The following TUBB8 variants were observed in gnomAD, a reference collection of about 807,000 sequenced individuals.
The protein encoded by TUBB8 is tubulin beta-8 chain.
In TUBB8, 25 loss-of-function variants were observed where a neutral mutation model predicts 33.7. The observed-to-expected ratio is 0.74, with a 90% CI of 0.54 to 1.04. The LOEUF is 1.04. Ranked by LOEUF, TUBB8 falls within the 50% of genes least tolerant of loss-of-function variation. The probability of loss-of-function intolerance (pLI) is 0.00; values close to 1 mark genes in which losing one functional copy is unlikely to be tolerated. For missense variants in TUBB8, 279 were observed against 608.0 expected (o/e 0.46, Z 5.69); for synonymous variants, 245 against 240.1 (o/e 1.02, Z -0.19).
In TUBB8 at chr10:47,165, G is replaced by C; in HGVS notation, c.1227C>G (p.Thr409=). The change falls in exon 4 of 4, where the codon ACC becomes ACG. Residue 409 remains threonine, a synonymous_variant. Coordinates refer to ENST00000568584, the MANE Select transcript of TUBB8 (RefSeq NM_177987.3). ...TGEGMDEMEF[T]EAESNMNDLV... ...GGTCGTTCATGTTGCTCTCGGCCTC[G>C]GTGAATTCCATCTCATCCATGCCCT... 1 of 1,601,794 alleles carries C rather than the reference G, an allele frequency of 6.2e-7. No individual in the cohort carries two copies. Among genetic ancestry groups the C allele is most frequent in the Non-Finnish European group, 8.5e-7 (1 of 1,171,540 alleles).
At chr10:75,221 T>C (rs1443979791), upstream of TUBB8, among the ~76,000 whole-genome samples, 1 of 151,414 alleles carries the variant, frequency 6.6e-6, no homozygotes, top group Non-Finnish European at 1.5e-5. Context: ...TGGTGGCTGG[T>C]GCCTATACTC....
upstream of TUBB8, among the ~76,000 whole-genome samples, chr10:75,075 A>C (rs2130956345): frequency 6.7e-6 from 1 of 150,024 alleles, no homozygotes; most frequent in Non-Finnish European, 1.5e-5. Context: ...GGGTTTTGCC[A>C]TGTTGACCAG....
intron 1 of TUBB8, among the ~76,000 whole-genome samples, chr10:57,813 C>CTT (rs113012935): frequency 3.4e-5 from 5 of 145,848 alleles, no homozygotes; most frequent in Non-Finnish European, 6.1e-5. Flanking sequence ...TCAACACTTG[C>CTT]TTTTTTTTTA....
chr10:67,959 C>A (rs755318367), intron 1 of TUBB8, among the ~76,000 whole-genome samples: 20 of 152,164 alleles, frequency 1.3e-4, no homozygotes, highest in Non-Finnish European at 2.6e-4. Context: ...TATGTAGGGA[C>A]GGTGTCTGGC....
rs560539342 is a variant in TUBB8 at position 56,503 on chromosome 10, G to A, written c.-845-6270C>T. 6.7e-4 allele frequency among the ~76,000 whole-genome samples: 102 copies of A among 152,356 alleles called. 1 individual carries two copies. The highest frequency in any genetic ancestry group is 2.3e-3 in the African/African-American group (95 of 41,580). On this transcript the variant is annotated intron_variant, in intron 1 of 3. Coordinates refer to the TUBB8 transcript ENST00000564130. ...AGCACAGCACTGGCTTCTGCTTCTG[G>A]TGAAGCCTCTGACAACTGACAATCA... is the stretch of plus-strand genomic sequence containing the variant.
At chr10:57,194 C>CA (rs1834542883) in intron 1 of TUBB8, among the ~76,000 whole-genome samples, 2 of 152,248 alleles carry the variant, frequency 1.3e-5, no homozygotes, top group Non-Finnish European at 2.9e-5. Context: ...GTTCAGCCCC[C>CA]ACAGCTGCTC....
chr10:47,348 G>C lies in TUBB8; in HGVS notation c.1044C>G (p.Asn348Lys). 1 of 1,613,214 alleles carries C rather than the reference G, an allele frequency of 6.2e-7. No homozygotes were observed. The highest frequency in any genetic ancestry group is 8.5e-7 in the Non-Finnish European group (1 of 1,179,976). The change falls in exon 4 of 4, where the codon AAC becomes AAG. Residue 348 changes from asparagine (N) to lysine (K), a missense_variant. By Grantham distance (94) the Asn-to-Lys change is moderately conservative (BLOSUM62 0). This residue lies in a region of TUBB8 where 123 missense variants were observed against 228.9 expected (regional missense o/e 0.54). Coordinates refer to ENST00000568584, the MANE Select transcript of TUBB8 (RefSeq NM_177987.3). ...SSYFADWLPN[N>K]VKTAVCDIPP... ...GGATGTCACAGACGGCTGTTTTTAC[G>C]TTGTTGGGGAGCCAGTCAGCAAAGT...
intron 1 of TUBB8, among the ~76,000 whole-genome samples, chr10:67,516 C>A (rs1834686260): frequency 6.6e-6 from 1 of 152,130 alleles, no homozygotes; most frequent in Admixed American, 6.5e-5. Context: ...CCCCTGCCTC[C>A]TGGGTTCAAG....
chr10:46,766 AGCCACTGGAAT>A, downstream of TUBB8: 1 of 412,190 alleles, frequency 2.4e-6, no homozygotes. Context: ...CCCCTCCTGG[AGCCACTGGAAT>A]GCTTGTTCCT....
Position 47,444 on chromosome 10 carries a change from A to G in TUBB8, c.948T>C (p.Ile316=), listed in dbSNP as rs782085972. The G allele has an allele frequency of 5.3e-5, 86 of 1,611,624 alleles. No homozygotes were observed. The highest frequency in any genetic ancestry group is 6.7e-5 in the Admixed American group (4 of 60,000). The change falls in exon 4 of 4, where the codon ATT becomes ATC. Residue 316 remains isoleucine, a synonymous_variant. Transcript: ENST00000568584. Reference sequence around the variant, plus strand: ...CCCTCATGGGCATGCGACCCCTGAAAATGGCAGCCGCCGTTAGGTAGCGGC... The same window carrying G: ...CCCTCATGGGCATGCGACCCCTGAAGATGGCAGCCGCCGTTAGGTAGCGGC... ...RHGRYLTAAA[I]FRGRMPMREV...
At chr10:73,461 T>C (rs1288454824) in intron 1 of TUBB8, among the ~76,000 whole-genome samples, 1 of 152,168 alleles carries the variant, frequency 6.6e-6, no homozygotes, top group Non-Finnish European at 1.5e-5. Context: ...CTGACCAACA[T>C]GGAGAAACCC....
intron 1 of TUBB8, among the ~76,000 whole-genome samples, chr10:63,041 G>A (rs1271747181): frequency 2.6e-5 from 4 of 151,640 alleles, no homozygotes; most frequent in African/African-American, 9.6e-5. Flanking sequence ...TTGGGGAATT[G>A]TTTAATATTA....
chr10:52,675 T>C (rs1411493471), upstream of TUBB8, among the ~76,000 whole-genome samples: 2 of 152,270 alleles, frequency 1.3e-5, no homozygotes, highest in Non-Finnish European at 2.9e-5. Flanking sequence ...CAAAAAATGC[T>C]GCACTCCTAG....
rs10904045 is a variant in TUBB8 at position 48,486 on chromosome 10, C to T, written c.277+129G>A. 0.38 allele frequency: 340,215 copies of T among 894,124 alleles called. 66,972 individuals are homozygous for T. Among genetic ancestry groups the T allele is most frequent in the African/African-American group, 0.52 (31,426 of 60,848 alleles). 55.4% of individuals were successfully genotyped at this position (894,124 alleles called of 1,614,324 possible). ...TTTAGGAGAGGCAGATTGAGCGACT[C>T]GACTCGGAGGATAGGAGGGTGTTCA... On this transcript the variant is annotated intron_variant, in intron 3 of 3. Coordinates refer to ENST00000568584, the MANE Select transcript of TUBB8 (RefSeq NM_177987.3).
chr10:58,805 C>T (rs1420371689), intron 1 of TUBB8, among the ~76,000 whole-genome samples: 4 of 152,132 alleles, frequency 2.6e-5, no homozygotes, highest in South Asian at 2.1e-4. Context: ...TGGGAGGGGA[C>T]GCACATTCAA....
chr10:58,726 T>G (rs1185761814), intron 1 of TUBB8, among the ~76,000 whole-genome samples: 1 of 152,198 alleles, frequency 6.6e-6, no homozygotes, highest in Non-Finnish European at 1.5e-5. Flanking sequence ...CATTTATGAG[T>G]AATCCACCCC....
rs1834351473 is a variant in TUBB8, at chr10:47,261, G to A, written c.1131C>T (p.Leu377=). 2 of 1,613,752 alleles carry A rather than the reference G, an allele frequency of 1.2e-6. No homozygotes were observed. Among genetic ancestry groups the A allele is most frequent in the East Asian group, 2.2e-5 (1 of 44,880 alleles). Residue 377 remains leucine (L), a synonymous_variant, in exon 4 of 4, where the codon CTC becomes CTT. Transcript: ENST00000568584. Reference sequence around the variant, plus strand: ...TAAACTGCTCTGAGACACGCTTGAAGAGTTCCTGGATGGCCGTATTATTCC... The same window carrying A: ...TAAACTGCTCTGAGACACGCTTGAAAAGTTCCTGGATGGCCGTATTATTCC... ...FIGNNTAIQE[L]FKRVSEQFTA... is the part of the protein sequence containing the mutation.
intron 1 of TUBB8, among the ~76,000 whole-genome samples, chr10:68,324 G>A (rs1278083981): frequency 6.6e-6 from 1 of 152,162 alleles, no homozygotes; most frequent in Non-Finnish European, 1.5e-5. Context: ...TCATAAGACT[G>A]ATGGGACACC....
chr10:74,340 C>T (rs1385811696), upstream of TUBB8, among the ~76,000 whole-genome samples: 1 of 151,498 alleles, frequency 6.6e-6, no homozygotes, highest in Non-Finnish European at 1.5e-5. Context: ...ATGGAGATAG[C>T]AATCGAAGAA....
Sources: gnomAD v4.1 joint callset for allele counts (sites outside exome capture counted in the v4.1 genomes callset) on GRCh38, gnomAD v4.1.1 for gene constraint, gnomAD v4.1.1 regional missense constraint, MANE v1.5 for transcripts, NCBI Gene and HGNC (gene_info 2026-07-23, HGNC 2026-07-21) for gene names.